The following WDR4 variants were observed in gnomAD, a reference collection of about 807,000 sequenced individuals.
The protein encoded by WDR4 is tRNA (guanine-N(7)-)-methyltransferase non-catalytic subunit WDR4.
WDR4 carries 47 observed loss-of-function variants against 48.6 expected under a neutral mutation model. That is an observed-to-expected ratio of 0.97 (90% CI 0.77 to 1.23). The LOEUF (loss-of-function observed/expected upper bound fraction) is 1.23. Ranked by LOEUF, WDR4 falls within the 50% of genes most tolerant of loss-of-function variation. WDR4 has a pLI of 0.00. For missense variants in WDR4, 606 were observed against 551.6 expected, an observed-to-expected ratio of 1.10 and a Z score of -0.99; for synonymous variants, 268 against 230.0, an observed-to-expected ratio of 1.17 and a Z score of -1.49.
intron 3 of WDR4, among the ~76,000 whole-genome samples, chr21:42,864,521 C>T (rs577978202): frequency 7.2e-5 from 11 of 152,312 alleles, no homozygotes; most frequent in African/African-American, 2.4e-4. Context: ...AGCAGTGAGG[C>T]AGCACCCTAC....
intron 7 of WDR4, 119 bp downstream of exon 7, chr21:42,855,563 G>A (rs565379238): frequency 1.4e-6 from 1 of 690,164 alleles, no homozygotes; most frequent in Non-Finnish European, 2.4e-6. Flanking sequence ...CCTCACACAG[G>A]AGGAAGTCTG....
intron 2 of WDR4, among the ~76,000 whole-genome samples, chr21:42,874,458 C>A (rs2058443812): frequency 6.6e-6 from 1 of 152,174 alleles, no homozygotes; most frequent in Non-Finnish European, 1.5e-5. Flanking sequence ...GTTCAGGGAA[C>A]AAGAGAGATA....
At chr21:42,881,327 G>A (rs936956836), upstream of WDR4, among the ~76,000 whole-genome samples, 34 of 152,186 alleles carry the variant, frequency 2.2e-4, no homozygotes, top group Admixed American at 2.2e-3. Flanking sequence ...TTGAGAACTT[G>A]TTACCAACTA....
chr21:42,863,216 G>T (rs952296363), intron 4 of WDR4, among the ~76,000 whole-genome samples: 15 of 152,262 alleles, frequency 9.9e-5, no homozygotes, highest in Non-Finnish European at 2.1e-4. Flanking sequence ...TGCTACGGGG[G>T]AGCCCCATTC....
chr21:42,847,219 C>G (rs2057718573), downstream of WDR4, among the ~76,000 whole-genome samples: 1 of 152,202 alleles, frequency 6.6e-6, no homozygotes, highest in South Asian at 2.1e-4. Context: ...TCTCACAGAA[C>G]AGACCCAGTT....
chr21:42,852,662 T>A (rs1480876154), intron 9 of WDR4, among the ~76,000 whole-genome samples: 1 of 152,156 alleles, frequency 6.6e-6, no homozygotes, highest in African/African-American at 2.4e-5. Flanking sequence ...ATACCTGTAA[T>A]CCCAGCACTT....
At chr21:42,855,987 T>A (rs2057980483) in intron 6 of WDR4, among the ~76,000 whole-genome samples, 1 of 152,204 alleles carries the variant, frequency 6.6e-6, no homozygotes, top group Non-Finnish European at 1.5e-5. Context: ...GGTGACCGAT[T>A]CCCTGTTTCT....
chr21:42,870,287 G>A (rs977870731), intron 3 of WDR4, among the ~76,000 whole-genome samples: 4 of 152,236 alleles, frequency 2.6e-5, no homozygotes, highest in African/African-American at 4.8e-5. Context: ...GGAGGTGGAG[G>A]TTGCAGTGAG....
At position 42,879,505 on chromosome 21, in the gene WDR4, C is replaced by T; in HGVS notation, c.-10G>A. 1.9e-6 allele frequency: 3 copies of T among 1,612,884 alleles called. No homozygotes were observed. The highest frequency in any genetic ancestry group is 2.5e-6 in the Non-Finnish European group (3 of 1,179,758). On this transcript the variant is annotated 5_prime_UTR_variant, in exon 1 of 11. Transcript: ENST00000398208. ...CCACAGAGCCCGCCATGTACCCGCCCGCCTCACCGCCATACACATGTGCCA... is the reference window on the plus strand; with the variant it reads ...CCACAGAGCCCGCCATGTACCCGCCTGCCTCACCGCCATACACATGTGCCA...
At position 42,853,821 on chromosome 21, in the gene WDR4, C is replaced by T. The variant is rs930696151; in HGVS notation, c.792-69G>A. On this transcript the variant is annotated intron_variant, in intron 8 of 10. Coordinates refer to ENST00000398208, the MANE Select transcript of WDR4 (RefSeq NM_018669.6). ...CACGGGCTCCGCTCTGCAGCCAGCACCCCAGACGGTGCAGCCCTCGCCGGT... is the reference window on the plus strand; with the variant it reads ...CACGGGCTCCGCTCTGCAGCCAGCATCCCAGACGGTGCAGCCCTCGCCGGT... The T allele has an allele frequency of 4.0e-5, 59 of 1,474,142 alleles. 2 individuals are homozygous for T. The South Asian group carries it at 7.2e-4, about 18-fold the overall frequency. 91.3% of individuals were successfully genotyped at this position (1,474,142 alleles called of 1,614,324 possible).
At chr21:42,878,560 T>A (rs370897836) in intron 1 of WDR4, among the ~76,000 whole-genome samples, 15 of 152,182 alleles carry the variant, frequency 9.9e-5, no homozygotes, top group African/African-American at 3.4e-4. Context: ...AAATATACAG[T>A]ATATCTGACA....
chr21:42,847,569 C>G (rs2057721781), downstream of WDR4, among the ~76,000 whole-genome samples: 1 of 152,144 alleles, frequency 6.6e-6, no homozygotes, highest in South Asian at 2.1e-4. Flanking sequence ...GACGCGGCCC[C>G]GTGAGGAGGG....
At position 42,853,593 on chromosome 21, in the gene WDR4, G is replaced by A. The variant is rs1284569230; in HGVS notation, c.951C>T (p.Tyr317=). ...CCTGCCACTGGTCGCCCACAGGCCT[G>A]TAGAGCACCAGGGGGGCTTCCTGGC... ...QDCQEAPLVL[Y]RPVGDQWQSV... The change falls in exon 9 of 11, where the codon TAC becomes TAT. Residue 317 remains tyrosine (Y), a synonymous_variant. Coordinates refer to ENST00000398208, the MANE Select transcript of WDR4 (RefSeq NM_018669.6). 6.2e-7 allele frequency: 1 copy of A among 1,610,980 alleles called. No homozygotes were observed. The highest frequency in any genetic ancestry group is 8.5e-7 in the Non-Finnish European group (1 of 1,179,240).
chr21:42,882,521 C>T (rs2058616040), upstream of WDR4, among the ~76,000 whole-genome samples: 1 of 151,634 alleles, frequency 6.6e-6, no homozygotes, highest in South Asian at 2.1e-4. Flanking sequence ...CAAGATCACC[C>T]ATTGCATTCC....
intron 3 of WDR4, among the ~76,000 whole-genome samples, chr21:42,863,951 CA>C (rs34989180): frequency 2.0e-4 from 17 of 84,114 alleles, no homozygotes; most frequent in Admixed American, 2.6e-4. Flanking sequence ...ACTAAAAATA[CA>C]AAAAATTAGC....
At chr21:42,879,593 G>GTA (rs2058587449), upstream of WDR4, 3 of 1,456,514 alleles carry the variant, frequency 2.1e-6, no homozygotes, top group Non-Finnish European at 2.8e-6. Context: ...GAGAGATGAC[G>GTA]TATACCCCAC....
the WDR4 span, among the ~76,000 whole-genome samples, chr21:42,890,993 T>C: frequency 6.6e-6 from 1 of 152,134 alleles, no homozygotes; most frequent in Non-Finnish European, 1.5e-5. Context: ...ATGGTTGCCC[T>C]AGTTACCTTT....
At chr21:42,873,733 A>C (rs2058426696) in intron 2 of WDR4, 42 bp from the exon 3 acceptor site, 3 of 1,596,678 alleles carry the variant, frequency 1.9e-6, no homozygotes, top group Non-Finnish European at 2.6e-6. Context: ...TCACCTAAGG[A>C]AATAAGGCTG....
chr21:42,879,434 C>T lies in WDR4; in HGVS notation c.62G>A (p.Arg21Gln), dbSNP rs1394410144. The T allele has an allele frequency of 1.2e-6, 2 of 1,613,858 alleles. No homozygotes were observed. Among genetic ancestry groups the T allele is most frequent in the African/African-American group, 1.3e-5 (1 of 75,058 alleles). Residue 21 changes from arginine (R) to glutamine (Q), a missense_variant, in exon 1 of 11, where the codon CGA (arginine) becomes CAA (glutamine). Arg to Gln is a conservative substitution (Grantham distance 43, BLOSUM62 1). Coordinates refer to ENST00000398208, the MANE Select transcript of WDR4 (RefSeq NM_018669.6). ...GQTLVVRGGSRFLATSIASSD... is the reference protein window; with the variant it reads ...GQTLVVRGGSQFLATSIASSD... ...GCTTGCTATGGAGGTGGCCAGGAAT[C>T]GGCTGCCGCCCCGCACCACCAACGT...
Sources: allele counts gnomAD v4.1 joint callset (sites outside exome capture counted in the v4.1 genomes callset), GRCh38; gene constraint gnomAD v4.1.1; transcripts MANE v1.5; gene names NCBI Gene and HGNC (gene_info 2026-07-23, HGNC 2026-07-21).